Variants in FAM227B observed in about 807,000 individuals in gnomAD.
The protein encoded by FAM227B is family with sequence similarity 227 member B, also known as protein FAM227B.
Under a neutral mutation model 73.8 loss-of-function variants are expected in FAM227B, and 88 were observed. The ratio of observed to expected loss-of-function variants is 1.19; its 90% CI spans 1.00 to 1.42. FAM227B has a LOEUF of 1.42. FAM227B is among the 40% of genes most tolerant of loss of function. The probability of loss-of-function intolerance (pLI) is 0.00; values close to 1 mark genes in which losing one functional copy is unlikely to be tolerated. For missense variants in FAM227B, 632 were observed against 590.9 expected, an observed-to-expected ratio of 1.07 and a Z score of -0.72; for synonymous variants, 210 against 190.5, an observed-to-expected ratio of 1.10 and a Z score of -0.84.
At chr15:49,494,244 GGGA>G (rs1463018839) in intron 11 of FAM227B, among the ~76,000 whole-genome samples, 2 of 109,176 alleles carry the variant, frequency 1.8e-5, no homozygotes, top group Non-Finnish European at 3.9e-5. Flanking sequence ...TTGCCTTAGT[GGGA>G]GACACACAAA....
In FAM227B at chr15:49,335,452, C is replaced by A. The variant is rs115493412; in HGVS notation, c.1316G>T (p.Arg439Ile). 931 of 1,613,518 alleles carry A rather than the reference C, an allele frequency of 5.8e-4. 8 individuals carry two copies. The African/African-American group carries it at 0.011, about 20-fold the overall frequency. ...TYRDVIKEAK[R>I]QFARNQKDFR... ...ATCCTTTTGGTTCCTTGCAAATTGT[C>A]TTTTTGCCTCCTTTATAACATCACG... The change falls in exon 14 of 16, where the codon AGA (arginine) becomes ATA (isoleucine). Residue 439 changes from arginine to isoleucine, a missense_variant. Coordinates refer to ENST00000299338, the MANE Select transcript of FAM227B (RefSeq NM_152647.3).
intron 3 of FAM227B, among the ~76,000 whole-genome samples, chr15:49,593,275 C>T (rs1404429832): frequency 6.6e-6 from 1 of 152,168 alleles, no homozygotes; most frequent in African/African-American, 2.4e-5. Context: ...ACCAATCACA[C>T]AGGAGCTGTA....
intron 8 of FAM227B, among the ~76,000 whole-genome samples, chr15:49,570,448 G>A (rs1413132317): frequency 6.6e-6 from 1 of 151,818 alleles, no homozygotes; most frequent in Non-Finnish European, 1.5e-5. Flanking sequence ...CTATTTGTAT[G>A]TCTTCCTTTG....
chr15:49,600,654 CAA>C (rs776786703), intron 3 of FAM227B, among the ~76,000 whole-genome samples: 13 of 107,154 alleles, frequency 1.2e-4, no homozygotes, highest in Non-Finnish European at 1.2e-4. Flanking sequence ...GACCACATCT[CAA>C]AAAAAAAAAA....
intron 11 of FAM227B, among the ~76,000 whole-genome samples, chr15:49,441,433 TAGAG>T (rs761516484): frequency 1.3e-5 from 2 of 151,584 alleles, no homozygotes; most frequent in Non-Finnish European, 3.0e-5. Flanking sequence ...AAAATAAAAT[TAGAG>T]AGACATTAAA....
chr15:49,422,648 T>C (rs559266112), intron 11 of FAM227B: 1 of 1,104,380 alleles, frequency 9.1e-7, no homozygotes, highest in South Asian at 1.3e-5. Context: ...GCAGGTAACT[T>C]GCCCGAAGTC....
intron 11 of FAM227B, among the ~76,000 whole-genome samples, chr15:49,489,836 ATATTTTATATATATATATATATTTTAT>A (rs2056818455): frequency 3.2e-5 from 1 of 31,576 alleles, no homozygotes; most frequent in Non-Finnish European, 5.3e-5. Context: ...ATATATATAT[ATATTTTATATATATATATATATTTTAT>A]ATATATATAT....
intron 3 of FAM227B, among the ~76,000 whole-genome samples, chr15:49,604,794 C>G (rs1383660956): frequency 6.6e-6 from 1 of 151,606 alleles, no homozygotes; most frequent in Admixed American, 6.6e-5. Context: ...TTTGAGTACC[C>G]CTATTCTTTC....
intron 3 of FAM227B, among the ~76,000 whole-genome samples, chr15:49,601,041 CAAA>C (rs1215100007): frequency 7.7e-5 from 7 of 90,850 alleles, no homozygotes; most frequent in African/African-American, 9.4e-5. Context: ...GACTCTGTCT[CAAA>C]AAAAAAAAAA....
chr15:49,456,546 A>T (rs2053310137), intron 11 of FAM227B, among the ~76,000 whole-genome samples: 1 of 152,140 alleles, frequency 6.6e-6, no homozygotes, highest in South Asian at 2.1e-4. Flanking sequence ...GATATATATA[A>T]AAATAAGACT....
intron 10 of FAM227B, among the ~76,000 whole-genome samples, chr15:49,530,280 T>C (rs2060512757): frequency 1.8e-5 from 2 of 113,172 alleles, no homozygotes; most frequent in South Asian, 3.0e-4. Flanking sequence ...GAATGTTTAC[T>C]TTAGGCCACT....
At chr15:49,355,860 A>G (rs1488803291) in intron 13 of FAM227B, among the ~76,000 whole-genome samples, 1 of 152,218 alleles carries the variant, frequency 6.6e-6, no homozygotes, top group Admixed American at 6.5e-5. Flanking sequence ...GTCACCCTCA[A>G]AGGGAAGCCC....
intron 11 of FAM227B, among the ~76,000 whole-genome samples, chr15:49,428,534 G>A (rs983986042): frequency 9.9e-5 from 15 of 151,924 alleles, no homozygotes; most frequent in African/African-American, 3.4e-4. Context: ...AGCAGACAGA[G>A]GCTATCATTC....
intron 11 of FAM227B, among the ~76,000 whole-genome samples, chr15:49,433,964 C>A (rs540036727): frequency 6.6e-6 from 1 of 151,790 alleles, no homozygotes; most frequent in African/African-American, 2.4e-5. Flanking sequence ...AATTTTGGGG[C>A]AGGGGTCTGC....
intron 9 of FAM227B, among the ~76,000 whole-genome samples, chr15:49,566,746 G>A (rs1271034806): frequency 6.6e-6 from 1 of 152,160 alleles, no homozygotes; most frequent in African/African-American, 2.4e-5. Context: ...CTTAGTGCAA[G>A]TCCAGGAGTC....
chr15:49,412,988 C>T (rs916810547), intron 11 of FAM227B, among the ~76,000 whole-genome samples: 2 of 152,078 alleles, frequency 1.3e-5, no homozygotes, highest in Non-Finnish European at 2.9e-5. Flanking sequence ...CCCCTCTAAT[C>T]CTGGTCTTCT....
At chr15:49,341,584 T>A (rs1340148126) in intron 13 of FAM227B, among the ~76,000 whole-genome samples, 1 of 152,192 alleles carries the variant, frequency 6.6e-6, no homozygotes, top group Non-Finnish European at 1.5e-5. Flanking sequence ...ACTCTTGAGC[T>A]CAACTGATTT....
intron 11 of FAM227B, among the ~76,000 whole-genome samples, chr15:49,406,607 C>CCGGCCAAGGCTCCAACTGCAA (rs2048528341): frequency 1.3e-5 from 2 of 151,982 alleles, no homozygotes; most frequent in South Asian, 4.2e-4. Flanking sequence ...TGGCTAAGTG[C>CCGGCCAAGGCTCCAACTGCAA]CGGCCAAGGC....
rs1040249512 is a variant in FAM227B, at chr15:49,366,000, GACT to G, written c.1271+1445_1271+1447del. On this transcript the variant is annotated intron_variant, in intron 13 of 15. Transcript: ENST00000299338. Reference sequence around the variant, plus strand: ...GTAAGACCATCATAACACAGTAGATGACTACAAATATTACAACTGTAAGAGGAC... The same window carrying G: ...GTAAGACCATCATAACACAGTAGATGACAAATATTACAACTGTAAGAGGAC... 8.1e-5 allele frequency: 65 copies of G among 806,926 alleles called. No individual in the cohort carries two copies. In the Middle Eastern group the frequency reaches 1.1e-3, roughly 13 times the overall value. 50.0% of individuals were successfully genotyped at this position (806,926 alleles called of 1,614,324 possible).
Sources: gnomAD v4.1 joint callset for allele counts (sites outside exome capture counted in the v4.1 genomes callset) on GRCh38, gnomAD v4.1.1 for gene constraint, MANE v1.5 for transcripts, NCBI Gene and HGNC (gene_info 2026-07-23, HGNC 2026-07-21) for gene names.